The following PDE1A variants were observed in gnomAD, a reference collection of about 807,000 sequenced individuals.
PDE1A encodes dual specificity calcium/calmodulin-dependent 3',5'-cyclic nucleotide phosphodiesterase 1A.
In PDE1A, 35 loss-of-function variants were observed where a neutral mutation model predicts 61.7. The observed-to-expected ratio is 0.57, with a 90% confidence interval of 0.43 to 0.75. PDE1A has a LOEUF of 0.75. Among genes scored for constraint, PDE1A ranks in the 30% least tolerant of loss-of-function variants. The probability of loss-of-function intolerance (pLI) is 0.00; values close to 1 mark genes in which losing one functional copy is unlikely to be tolerated. For missense variants in PDE1A, 597 were observed against 630.6 expected (o/e 0.95, Z 0.57); for synonymous variants, 232 against 213.2 (o/e 1.09, Z -0.77).
At chr2:182,648,956 G>C in the PDE1A span, among the ~76,000 whole-genome samples, 1 of 152,136 alleles carries the variant, frequency 6.6e-6, no homozygotes, top group Non-Finnish European at 1.5e-5. Context: ...GGGTACCAGA[G>C]CAAGTGCTCA....
At chr2:182,424,577 G>A (rs1290005546) in intron 1 of PDE1A, among the ~76,000 whole-genome samples, 1 of 152,186 alleles carries the variant, frequency 6.6e-6, no homozygotes, top group Admixed American at 6.5e-5. Flanking sequence ...AGAAAACGAA[G>A]TGAGGCATGA....
At chr2:182,231,321 G>T (rs191755883) in intron 4 of PDE1A, among the ~76,000 whole-genome samples, 190 bp from the exon 5 acceptor site, 265 of 152,236 alleles carry the variant, frequency 1.7e-3, no homozygotes, top group Middle Eastern at 0.017. Flanking sequence ...AGGCCATAAT[G>T]CTTTATAAAG....
At chr2:182,196,487 T>C (rs892563037) in intron 10 of PDE1A, among the ~76,000 whole-genome samples, 1 of 151,846 alleles carries the variant, frequency 6.6e-6, no homozygotes, top group Non-Finnish European at 1.5e-5. Flanking sequence ...TTCATTATGA[T>C]ATACTCTTTT....
chr2:182,558,756 T>C, the PDE1A span, among the ~76,000 whole-genome samples: 108 of 152,316 alleles, frequency 7.1e-4, 3 homozygotes, highest in East Asian at 0.012. Context: ...TCTCAATAAA[T>C]CATAGTGTAC....
the PDE1A span, among the ~76,000 whole-genome samples, chr2:182,583,029 T>C: frequency 3.9e-5 from 6 of 152,132 alleles, no homozygotes; most frequent in Non-Finnish European, 7.3e-5. Context: ...GGTTTGATGA[T>C]GGTGGGAGTG....
At chr2:182,489,069 T>G (rs7592388) in intron 2 of PDE1A, among the ~76,000 whole-genome samples, 62,237 of 152,012 alleles carry the variant, frequency 0.41, 13,214 homozygotes, top group African/African-American at 0.51. Context: ...GGGAGCTATT[T>G]TATAAAAAGT....
chr2:182,302,804 T>C (rs1250252753), intron 1 of PDE1A, among the ~76,000 whole-genome samples: 1 of 152,194 alleles, frequency 6.6e-6, no homozygotes, highest in African/African-American at 2.4e-5. Context: ...GTTTTTTTTT[T>C]CTTACCAACT....
At chr2:182,554,412 G>C in the PDE1A span, among the ~76,000 whole-genome samples, 6 of 152,040 alleles carry the variant, frequency 3.9e-5, no homozygotes, top group Non-Finnish European at 8.8e-5. Flanking sequence ...TACTTCACTT[G>C]GTTCACCATC....
intron 1 of PDE1A, among the ~76,000 whole-genome samples, chr2:182,363,602 A>G (rs959880065): frequency 1.3e-5 from 2 of 152,062 alleles, no homozygotes; most frequent in Non-Finnish European, 2.9e-5. Context: ...CAAAATTCTA[A>G]GTGGTGATGA....
the PDE1A span, among the ~76,000 whole-genome samples, chr2:182,685,169 C>T: frequency 1.3e-5 from 2 of 151,536 alleles, no homozygotes; most frequent in Non-Finnish European, 2.9e-5. Context: ...CACAAAGTAA[C>T]TTTGTAAAAC....
At chr2:182,648,511 C>CAAAAAAAAAAAAAAAAAAAAAAAAAAAAA in the PDE1A span, among the ~76,000 whole-genome samples, 7 of 76,210 alleles carry the variant, frequency 9.2e-5, no homozygotes, top group African/African-American at 1.8e-4. Flanking sequence ...CCTGTCCCCA[C>CAAAAAAAAAAAAAAAAAAAAAAAAAAAAA]AAAAAAAAAA....
At chr2:182,412,392 C>T (rs752407222) in intron 1 of PDE1A, among the ~76,000 whole-genome samples, 3 of 152,134 alleles carry the variant, frequency 2.0e-5, no homozygotes, top group Admixed American at 6.6e-5. Flanking sequence ...AAGTGGACCT[C>T]GCTTTGACTC....
chr2:182,444,640 T>C (rs1685017220), intron 2 of PDE1A, among the ~76,000 whole-genome samples: 1 of 151,992 alleles, frequency 6.6e-6, no homozygotes, highest in Non-Finnish European at 1.5e-5. Context: ...TCTTTCTCTC[T>C]CTCTTTCTTG....
chr2:182,671,342 T>TA, the PDE1A span, among the ~76,000 whole-genome samples: 1 of 110,286 alleles, frequency 9.1e-6, no homozygotes. Context: ...TGGCTAATTT[T>TA]TTTTTTTTTT....
chr2:182,540,837 T>G, the PDE1A span, among the ~76,000 whole-genome samples: 3 of 152,170 alleles, frequency 2.0e-5, no homozygotes, highest in Non-Finnish European at 4.4e-5. Context: ...TACATGACTA[T>G]GTACTTGTAT....
chr2:182,178,233 GA>G (rs1326256658), intron 13 of PDE1A, among the ~76,000 whole-genome samples: 1 of 152,074 alleles, frequency 6.6e-6, no homozygotes, highest in Admixed American at 6.6e-5. Context: ...AAGGTTTTTG[GA>G]AAATACTTAA....
intron 1 of PDE1A, chr2:182,522,462 T>A: frequency 6.3e-7 from 1 of 1,588,490 alleles, no homozygotes; most frequent in Non-Finnish European, 8.6e-7. Context: ...CTTACACACT[T>A]ATACAGTAGC....
chr2:182,511,125 C>T (rs919705427), intron 2 of PDE1A, among the ~76,000 whole-genome samples: 9 of 151,912 alleles, frequency 5.9e-5, no homozygotes, highest in African/African-American at 1.2e-4. Flanking sequence ...CGATGAGATA[C>T]GTGATGATAT....
chr2:182,701,987 T>G, the PDE1A span, among the ~76,000 whole-genome samples: 1 of 152,248 alleles, frequency 6.6e-6, no homozygotes, highest in Non-Finnish European at 1.5e-5. Context: ...GGGCTCTAGA[T>G]TCTAGGTTTC....
Sources: allele counts gnomAD v4.1 joint callset (sites outside exome capture counted in the v4.1 genomes callset), GRCh38; gene constraint gnomAD v4.1.1; transcripts MANE v1.5; gene names NCBI Gene and HGNC (gene_info 2026-07-23, HGNC 2026-07-21).